Variants in GAS5 observed in about 807,000 individuals in gnomAD.
GAS5 encodes growth arrest specific 5, also known as growth arrest specific 5 (non-protein coding).
chr1:173,864,945 A>C (rs1288793476), intron 6 of GAS5: 2 of 514,600 alleles, frequency 3.9e-6, no homozygotes, highest in Non-Finnish European at 7.8e-6. Flanking sequence ...GAGGCGGGGC[A>C]TGGTGGCTCA....
intron 6 of GAS5, chr1:173,865,466 T>C (rs886999088): frequency 5.9e-6 from 3 of 509,250 alleles, no homozygotes; most frequent in Non-Finnish European, 1.2e-5. Flanking sequence ...CAATAAAACA[T>C]GTACCTTTAA....
At chr1:173,865,694 G>A (rs778136322) in intron 5 of GAS5, 7 of 519,048 alleles carry the variant, frequency 1.3e-5, no homozygotes, top group Admixed American at 9.7e-5. Context: ...CACAAACCCC[G>A]TTCCAAACAT....
chr1:173,865,750 A>G, intron 5 of GAS5: 1 of 519,154 alleles, frequency 1.9e-6, no homozygotes, highest in Non-Finnish European at 3.8e-6. Context: ...GCTCAAGGAA[A>G]ATACAGTCAG....
At chr1:173,865,103 G>A (rs1654359252) in intron 6 of GAS5, 1 of 344,060 alleles carries the variant, frequency 2.9e-6, no homozygotes, top group Non-Finnish European at 5.7e-6. Context: ...AGAGGCTGAG[G>A]CAGGAGAATT....
exon 7 of GAS5, chr1:173,864,266 AGTAAGCTGCATGCTTGCTTGTT>A (rs756393433): frequency 4.5e-5 from 23 of 513,594 alleles, no homozygotes; most frequent in South Asian, 2.9e-4. Context: ...CCTTTCAAGC[AGTAAGCTGCATGCTTGCTTGTT>A]GTGGTCATTA....
upstream of GAS5, chr1:173,867,568 C>G: frequency 2.0e-6 from 1 of 500,052 alleles, no homozygotes; most frequent in Non-Finnish European, 4.0e-6. Flanking sequence ...AATGCAGGCA[C>G]TTAAGCACGT....
At chr1:173,866,346 G>T (rs375593182) in intron 3 of GAS5, 8 of 524,798 alleles carry the variant, frequency 1.5e-5, no homozygotes, top group South Asian at 4.2e-5. Context: ...TAAATCTGCT[G>T]AACTATGCAA....
rs180708820 is a variant in GAS5, at chr1:173,864,615, G to A, written n.277-311C>T. 1.1e-4 allele frequency: 43 copies of A among 378,858 alleles called. No homozygotes were observed. In the Admixed American group the frequency reaches 1.5e-3, roughly 13 times the overall value. The allele number at this position is 378,858 out of a possible 1,614,324, so 23.5% of individuals were successfully genotyped here. A position where few individuals can be genotyped will look rare whatever the true frequency, so the allele number is the denominator to read the frequency against. On this transcript the variant is annotated intron_variant and non_coding_transcript_variant, in intron 6 of 7. Coordinates refer to ENST00000651080, the Ensembl canonical transcript of GAS5. ...TAATCACTCCCATCTACAGATTAAGGTGTATATGCCACCAAAACCTTTTGC... is the reference window on the plus strand; with the variant it reads ...TAATCACTCCCATCTACAGATTAAGATGTATATGCCACCAAAACCTTTTGC...
upstream of GAS5, chr1:173,867,268 C>T: frequency 2.0e-6 from 1 of 506,406 alleles, no homozygotes; most frequent in South Asian, 2.8e-5. Context: ...GCTTGTAATC[C>T]CAGTATGTTG....
chr1:173,866,637 C>T (rs1303693606), intron 2 of GAS5: 1 of 764,236 alleles, frequency 1.3e-6, no homozygotes, highest in Admixed American at 1.7e-5. Context: ...TTTTGGGTGC[C>T]TCAGTTAAGA....
upstream of GAS5, chr1:173,867,098 A>T: frequency 1.6e-6 from 1 of 629,466 alleles, no homozygotes; most frequent in South Asian, 1.8e-5. Context: ...TTTTTTTTAA[A>T]GAGTGTTCTT....
chr1:173,865,985 T>A lies in GAS5; in HGVS notation n.162-91A>T, dbSNP rs761011912. 1.3e-5 allele frequency: 7 copies of A among 519,222 alleles called. No individual in the cohort carries two copies. In the East Asian group the frequency reaches 3.3e-4, roughly 24 times the overall value. The allele number at this position is 519,222 out of a possible 1,614,324, so 32.2% of individuals were successfully genotyped here. On this transcript the variant is annotated intron_variant and non_coding_transcript_variant, in intron 4 of 7. Transcript: ENST00000651080. ...ATGCCTTTAGTCAGTTAGAGCTAATTAAGACCTTCATGTTCAGTCAGCATT... is the reference window on the plus strand; with the variant it reads ...ATGCCTTTAGTCAGTTAGAGCTAATAAAGACCTTCATGTTCAGTCAGCATT...
chr1:173,866,502 A>G, intron 3 of GAS5: 1 of 674,830 alleles, frequency 1.5e-6, no homozygotes, highest in South Asian at 1.5e-5. Flanking sequence ...CTTAAAAGTG[A>G]GAAGTACAAA....
intron 2 of GAS5, chr1:173,866,636 C>T (rs570206882): frequency 1.2e-4 from 89 of 764,128 alleles, no homozygotes; most frequent in South Asian, 1.1e-3. Flanking sequence ...ATTTTGGGTG[C>T]CTCAGTTAAG....
At chr1:173,866,129 T>C (rs1654572797) in intron 4 of GAS5, 1 of 495,482 alleles carries the variant, frequency 2.0e-6, no homozygotes, top group Non-Finnish European at 4.0e-6. Flanking sequence ...ATTTGTGCCG[T>C]AGGAAGTTTG....
rs185805390 is a variant in GAS5, at chr1:173,865,550, G to A, written n.200-3C>T. The A allele has an allele frequency of 3.1e-5, 16 of 516,464 alleles. No homozygotes were observed. The East Asian group carries it at 8.2e-4, about 26-fold the overall frequency. The allele number at this position is 516,464 out of a possible 1,614,324, so 32.0% of individuals were successfully genotyped here. ...ATGGATAAAAACGTTACCAGGAGCT[G>A]GAATACAAATGAGGACTTCCATTAA... On this transcript the variant is annotated splice_polypyrimidine_tract_variant and splice_region_variant and intron_variant and non_coding_transcript_variant, in intron 5 of 7. Transcript: ENST00000651080.
chr1:173,868,034 ACG>A, upstream of GAS5: 1 of 175,956 alleles, frequency 5.7e-6, no homozygotes, highest in Non-Finnish European at 1.2e-5. Context: ...TCTTTTGATG[ACG>A]TCACGACGCA....
At chr1:173,865,526 T>C in exon 6 of GAS5, 1 of 513,240 alleles carries the variant, frequency 1.9e-6, no homozygotes, top group Non-Finnish European at 3.9e-6. Context: ...AAGTCATCCA[T>C]GGATAAAAAC....
chr1:173,866,458 G>C, intron 3 of GAS5: 1 of 629,284 alleles, frequency 1.6e-6, no homozygotes, highest in South Asian at 1.5e-5. Flanking sequence ...CACTAACATA[G>C]ATAATCATCA....
Sources: gnomAD v4.1 joint callset for allele counts on GRCh38, gnomAD v4.1.1 for gene constraint, MANE v1.5 for transcripts, NCBI Gene and HGNC (gene_info 2026-07-23, HGNC 2026-07-21) for gene names.